The following MLLT1 variants were observed in gnomAD, a reference collection of about 807,000 sequenced individuals.
MLLT1 encodes MLLT1 super elongation complex subunit.
MLLT1 carries 11 observed loss-of-function variants against 55.1 expected under a neutral mutation model. The observed-to-expected ratio is 0.20, with a 90% CI of 0.13 to 0.33. The LOEUF (loss-of-function observed/expected upper bound fraction) is 0.33. MLLT1 is among the 10% of genes least tolerant of loss of function. The probability of loss-of-function intolerance (pLI) is 1.00; values close to 1 mark genes in which losing one functional copy is unlikely to be tolerated. For missense variants in MLLT1, 536 were observed against 760.6 expected, an observed-to-expected ratio of 0.70 and a Z score of 3.47; for synonymous variants, 323 against 320.1, an observed-to-expected ratio of 1.01 and a Z score of -0.10.
At chr19:6,252,735 A>G (rs758034700) in intron 3 of MLLT1, among the ~76,000 whole-genome samples, 2 of 152,202 alleles carry the variant, frequency 1.3e-5, no homozygotes, top group South Asian at 2.1e-4. Flanking sequence ...AATACGCAAT[A>G]AAAGGCATAG....
intron 3 of MLLT1, among the ~76,000 whole-genome samples, chr19:6,243,405 C>T (rs1188817295): frequency 1.3e-5 from 2 of 152,236 alleles, no homozygotes; most frequent in Non-Finnish European, 2.9e-5. Flanking sequence ...TTGGCAGCCA[C>T]TGAATTCCTT....
At chr19:6,214,142 C>T (rs2090814243) in intron 8 of MLLT1, 104 bp from the exon 9 acceptor site, 4 of 570,764 alleles carry the variant, frequency 7.0e-6, no homozygotes, top group Non-Finnish European at 8.4e-6. Flanking sequence ...TGCCTGAGCC[C>T]ACACACCCCC....
chr19:6,244,121 G>C (rs1047845475), intron 3 of MLLT1, among the ~76,000 whole-genome samples: 1 of 149,060 alleles, frequency 6.7e-6, no homozygotes, highest in African/African-American at 2.5e-5. Context: ...CTGGGTCCCC[G>C]TGACACACTC....
At chr19:6,233,761 C>T (rs1236512776) in intron 3 of MLLT1, among the ~76,000 whole-genome samples, 1 of 152,230 alleles carries the variant, frequency 6.6e-6, no homozygotes, top group Non-Finnish European at 1.5e-5. Flanking sequence ...CCCTGCTACA[C>T]AGCTGGTCCG....
At chr19:6,243,726 C>A (rs1211849949) in intron 3 of MLLT1, among the ~76,000 whole-genome samples, 1 of 152,130 alleles carries the variant, frequency 6.6e-6, no homozygotes, top group East Asian at 1.9e-4. Context: ...AAGGGACCAC[C>A]CCATCCTCTC....
At chr19:6,272,128 CA>C (rs1377723673) in intron 1 of MLLT1, among the ~76,000 whole-genome samples, 1 of 151,708 alleles carries the variant, frequency 6.6e-6, no homozygotes, top group African/African-American at 2.4e-5. Context: ...GTCACTCCCT[CA>C]GAAGGAAGCC....
intron 2 of MLLT1, among the ~76,000 whole-genome samples, chr19:6,267,402 TAA>T (rs34411333): frequency 1.0e-3 from 149 of 143,166 alleles, no homozygotes; most frequent in Middle Eastern, 3.5e-3. Context: ...GCCAAAAAAT[TAA>T]AAAAAAAAAA....
intron 4 of MLLT1, among the ~76,000 whole-genome samples, chr19:6,228,816 C>G (rs919238028): frequency 4.6e-5 from 7 of 152,290 alleles, no homozygotes; most frequent in Non-Finnish European, 1.0e-4. Context: ...CCTGCCCAGA[C>G]AGCCAGCTCC....
chr19:6,220,994 TA>T (rs1337636370), intron 6 of MLLT1, among the ~76,000 whole-genome samples: 1 of 152,204 alleles, frequency 6.6e-6, no homozygotes, highest in Non-Finnish European at 1.5e-5. Context: ...CCCATGTGTC[TA>T]TGAGCCAGGA....
rs748728260 is a variant in MLLT1, at chr19:6,227,121, C to T, written c.421-19G>A. Reference sequence around the variant, plus strand: ...CCATCACCTAGTGACAGAGAAGAGACAGTCATTATCGATGGGCAGGGGGCA... The same window carrying T: ...CCATCACCTAGTGACAGAGAAGAGATAGTCATTATCGATGGGCAGGGGGCA... On this transcript the variant is annotated intron_variant, in intron 4 of 11. Transcript: ENST00000252674. This position sits in a 1 kb window ranked among gnomAD's most constrained non-coding sequence, Gnocchi z 5.1. 7 of 1,585,008 alleles carry T rather than the reference C, an allele frequency of 4.4e-6. No homozygotes were observed. Among genetic ancestry groups the T allele is most frequent in the Non-Finnish European group, 6.0e-6 (7 of 1,168,738 alleles).
chr19:6,246,600 A>G (rs2091170908), intron 3 of MLLT1, among the ~76,000 whole-genome samples: 1 of 151,684 alleles, frequency 6.6e-6, no homozygotes, highest in Non-Finnish European at 1.5e-5. Context: ...AGAATGGCAA[A>G]CAGATGAGCG....
rs1347575911 is a variant in MLLT1, at chr19:6,212,156, C to G, written c.*886G>C. ...CCAGGGCGGCTGATGCGAGTCTGTC[C>G]GCGGAGACTGTTGGCGCTAGTCTGA... On this transcript the variant is annotated 3_prime_UTR_variant, in exon 12 of 12. Coordinates refer to ENST00000252674, the MANE Select transcript of MLLT1 (RefSeq NM_005934.4). The G allele has an allele frequency of 1.9e-6, 2 of 1,066,044 alleles. No individual in the cohort carries two copies. Among genetic ancestry groups the G allele is most frequent in the East Asian group, 5.0e-5 (1 of 20,172 alleles). 66.0% of individuals were successfully genotyped at this position (1,066,044 alleles called of 1,614,324 possible).
At chr19:6,234,262 C>T (rs1200616838) in intron 3 of MLLT1, among the ~76,000 whole-genome samples, 14 of 152,360 alleles carry the variant, frequency 9.2e-5, no homozygotes, top group Admixed American at 5.2e-4. Context: ...CAGGTGGTGA[C>T]GCCGACCCTG....
intron 6 of MLLT1, among the ~76,000 whole-genome samples, chr19:6,220,903 C>A (rs2090891142): frequency 6.6e-6 from 1 of 152,198 alleles, no homozygotes; most frequent in Admixed American, 6.5e-5. Flanking sequence ...CCGGCCCCCC[C>A]ACCGCCTCAG....
rs1209461308 is a variant in MLLT1, at chr19:6,212,875, A to C, written c.*167T>G. 2.0e-6 allele frequency: 2 copies of C among 1,002,962 alleles called. No homozygotes were observed. Among genetic ancestry groups the C allele is most frequent in the East Asian group, 2.8e-5 (1 of 35,620 alleles). The allele number at this position is 1,002,962 out of a possible 1,614,324, so 62.1% of individuals were successfully genotyped here. ...CAGGGCTCCTGGCGATGGAGCGGGG[A>C]GAGTGGGCAGGGAGCCGCCGAGGAA... On this transcript the variant is annotated 3_prime_UTR_variant, in exon 12 of 12. Coordinates refer to ENST00000252674, the MANE Select transcript of MLLT1 (RefSeq NM_005934.4).
At chr19:6,218,131 ACG>A in intron 6 of MLLT1, 90 bp from the exon 7 acceptor site, 2 of 1,500,028 alleles carry the variant, frequency 1.3e-6, no homozygotes, top group South Asian at 2.6e-5. Flanking sequence ...GGCAGCAGCT[ACG>A]CTGAGTGGGT....
chr19:6,230,115 C>T lies in MLLT1; in HGVS notation c.420+455G>A, dbSNP rs892357862. On this transcript the variant is annotated intron_variant, in intron 4 of 11. Transcript: ENST00000252674. This position sits in a 1 kb window ranked among gnomAD's most constrained non-coding sequence, Gnocchi z 9.0. ...GTCCGGAGGGCTCGACTCCAGCCACCGCATGGGGGTCCCGGCCACACGACT... is the reference window on the plus strand; with the variant it reads ...GTCCGGAGGGCTCGACTCCAGCCACTGCATGGGGGTCCCGGCCACACGACT... Among the ~76,000 whole-genome samples the T allele has an allele frequency of 2.0e-5, 3 of 152,134 alleles. No homozygotes were observed. The highest frequency in any genetic ancestry group is 1.3e-4 in the Admixed American group (2 of 15,282).
At position 6,229,455 on chromosome 19, in the gene MLLT1, C is replaced by T. The variant is rs2090985381; in HGVS notation, c.420+1115G>A. ...GGACTCCCCAGCCTGACACCCACAG[C>T]CACGGTGCCCCAAATCCACTCAGGA... On this transcript the variant is annotated intron_variant, in intron 4 of 11. Coordinates refer to ENST00000252674, the MANE Select transcript of MLLT1 (RefSeq NM_005934.4). This position sits in a 1 kb window ranked among gnomAD's most constrained non-coding sequence, Gnocchi z 5.2. Among the ~76,000 whole-genome samples, 1 of 152,042 alleles carries T rather than the reference C, an allele frequency of 6.6e-6. No homozygotes were observed. The highest frequency in any genetic ancestry group is 2.4e-5 in the African/African-American group (1 of 41,356).
rs1353139354 is a variant in MLLT1 at position 6,262,300 on chromosome 19, C to T, written c.204G>A (p.Glu68=). The T allele has an allele frequency of 1.9e-6, 3 of 1,613,420 alleles. No homozygotes were observed. The highest frequency in any genetic ancestry group is 1.7e-6 in the Non-Finnish European group (2 of 1,179,750). ...CCGACTCCTCTACTTTGTAGGGGGG[C>T]TCCTTGCACACTAAAAAGAAAAGGA... ...SFPKPRRVCK[E]PPYKVEESGY... Residue 68 remains glutamate, a synonymous_variant, in exon 3 of 12, where the codon GAG becomes GAA. Coordinates refer to ENST00000252674, the MANE Select transcript of MLLT1 (RefSeq NM_005934.4). The surrounding 1 kb of genome is among the most constrained non-coding windows in gnomAD (Gnocchi z 4.4).
Sources: gnomAD v4.1 joint callset for allele counts (sites outside exome capture counted in the v4.1 genomes callset) on GRCh38, gnomAD v4.1.1 for gene constraint, Gnocchi (gnomAD v3.1) non-coding constraint, MANE v1.5 for transcripts, NCBI Gene and HGNC (gene_info 2026-07-23, HGNC 2026-07-21) for gene names.